SETD2: variants seen among roughly 807,000 people sequenced by gnomAD.
SETD2 encodes the protein histone-lysine N-methyltransferase SETD2.
In SETD2, 31 loss-of-function variants were observed where a neutral mutation model predicts 242.1. That is an observed-to-expected ratio of 0.13 (90% CI 0.10 to 0.17). SETD2 has a LOEUF of 0.17. SETD2 is among the 10% of genes least tolerant of loss of function. The probability of loss-of-function intolerance (pLI) is 1.00; values close to 1 mark genes in which losing one functional copy is unlikely to be tolerated. For synonymous variants in SETD2, 1,006 were observed against 1,066.5 expected (o/e 0.94, Z 1.11); for missense variants, 2,481 against 3,046.3 (o/e 0.81, Z 4.37).
At chr3:47,065,643 T>A (rs999907610) in intron 13 of SETD2, among the ~76,000 whole-genome samples, 3 of 151,582 alleles carry the variant, frequency 2.0e-5, no homozygotes, top group African/African-American at 7.3e-5. Flanking sequence ...AAAAAATAAA[T>A]AAATAAATAA....
chr3:47,162,906 T>C (rs1377955185), intron 1 of SETD2, among the ~76,000 whole-genome samples: 1 of 152,190 alleles, frequency 6.6e-6, no homozygotes, highest in African/African-American at 2.4e-5. Flanking sequence ...AAGAGAAATG[T>C]AAAGGTGTCC....
intron 18 of SETD2, among the ~76,000 whole-genome samples, chr3:47,031,901 A>AT (rs1419415838): frequency 1.3e-5 from 2 of 152,200 alleles, no homozygotes; most frequent in Admixed American, 6.5e-5. Flanking sequence ...CAATAATATA[A>AT]TTTTTTGTGA....
intron 1 of SETD2, among the ~76,000 whole-genome samples, chr3:47,131,094 A>G (rs995419343): frequency 1.3e-5 from 2 of 152,212 alleles, no homozygotes; most frequent in East Asian, 3.8e-4. Context: ...TAATAAATAT[A>G]AACAAGTTGG....
At chr3:47,088,942 C>T (rs889749940) in intron 9 of SETD2, among the ~76,000 whole-genome samples, 1 of 152,072 alleles carries the variant, frequency 6.6e-6, no homozygotes, top group South Asian at 2.1e-4. Context: ...AATATCTGTA[C>T]AAGTTGGATA....
chr3:47,119,395 T>TAA (rs200765769), intron 3 of SETD2: 1 of 152,284 alleles, frequency 6.6e-6, no homozygotes, highest in African/African-American at 2.4e-5. Context: ...AACAATAGTC[T>TAA]AAAAAAAAAT....
chr3:47,128,100 C>A (rs530993547), intron 1 of SETD2, among the ~76,000 whole-genome samples: 9 of 152,242 alleles, frequency 5.9e-5, no homozygotes, highest in East Asian at 5.8e-4. Flanking sequence ...AAGAAGCCAA[C>A]AATAAGATGG....
chr3:47,146,015 CAAAAAA>C (rs1171574770), intron 1 of SETD2, among the ~76,000 whole-genome samples: 1 of 38,690 alleles, frequency 2.6e-5, no homozygotes, highest in Non-Finnish European at 4.0e-5. Flanking sequence ...GACCCTGTCT[CAAAAAA>C]AAAAAAAAAA....
intron 16 of SETD2, among the ~76,000 whole-genome samples, chr3:47,046,140 C>T (rs1180816989): frequency 6.6e-6 from 1 of 151,050 alleles, no homozygotes; most frequent in Non-Finnish European, 1.5e-5. Context: ...GAGGTCAAGA[C>T]GAGCCTGGTC....
intron 18 of SETD2, among the ~76,000 whole-genome samples, chr3:47,029,415 C>G (rs992924652): frequency 6.7e-6 from 1 of 148,962 alleles, no homozygotes; most frequent in Non-Finnish European, 1.5e-5. Flanking sequence ...TCATGGAACT[C>G]AAACTGTAGC....
chr3:47,021,206 G>C (rs1023102379), intron 18 of SETD2, among the ~76,000 whole-genome samples: 2 of 152,120 alleles, frequency 1.3e-5, no homozygotes, highest in East Asian at 1.9e-4. Flanking sequence ...AGAATTATTT[G>C]AGTAAGTCAA....
Position 47,057,197 on chromosome 3 carries a change from G to A in SETD2, c.6587C>T (p.Pro2196Leu). 6.2e-7 allele frequency: 1 copy of A among 1,614,210 alleles called. No individual in the cohort carries two copies. The highest frequency in any genetic ancestry group is 8.5e-7 in the Non-Finnish European group (1 of 1,180,032). Residue 2196 changes from proline (P) to leucine (L), a missense_variant, in exon 15 of 21, where the codon CCA becomes CTA. This residue lies in a region of SETD2 where 235 missense variants were observed against 293.9 expected (regional missense o/e 0.80). Transcript: ENST00000409792. Reference protein sequence around the residue: ...KVLLPTPSMDPVCSPAPYDHA... With the variant: ...KVLLPTPSMDLVCSPAPYDHA... ...ATCATAAGGAGCAGGAGAACACACT[G>A]GGTCCATGCTGGGTGTGGGCAGGAG...
Position 47,122,386 on chromosome 3 carries a change from T to C in SETD2, c.2250A>G (p.Glu750=), listed in dbSNP as rs114309972. ...TATCTTGGTGTGGTGACACCAGAGG[T>C]TCTGTTTCTCTAAATGGGCTTTCTG... ...KKSESPFRET[E]PLVSPHQDKL... The change falls in exon 3 of 21, where the codon GAA becomes GAG. Residue 750 remains glutamate, a synonymous_variant. Coordinates refer to ENST00000409792, the MANE Select transcript of SETD2 (RefSeq NM_014159.7). 6.8e-6 allele frequency: 11 copies of C among 1,614,038 alleles called. No homozygotes were observed. The highest frequency in any genetic ancestry group is 1.6e-4 in the Middle Eastern group (1 of 6,062).
chr3:47,050,800 A>G (rs1423590085), intron 15 of SETD2, among the ~76,000 whole-genome samples: 3 of 130,010 alleles, frequency 2.3e-5, no homozygotes, highest in Non-Finnish European at 3.1e-5. Context: ...GCGCAATCTC[A>G]GCTCATTGCA....
At chr3:47,092,283 T>C (rs1308869993) in intron 9 of SETD2, among the ~76,000 whole-genome samples, 1 of 152,126 alleles carries the variant, frequency 6.6e-6, no homozygotes, top group African/African-American at 2.4e-5. Context: ...TGCTCAAGCA[T>C]AGCAATCAAT....
At chr3:47,126,811 A>G (rs1308814565) in intron 1 of SETD2, 148 bp from the exon 2 acceptor site, 1 of 521,062 alleles carries the variant, frequency 1.9e-6, no homozygotes, top group African/African-American at 1.9e-5. Flanking sequence ...ATTCCTTCAC[A>G]CTCAGTTACA....
chr3:47,149,704 G>T (rs2043939190), intron 1 of SETD2, among the ~76,000 whole-genome samples: 1 of 152,158 alleles, frequency 6.6e-6, no homozygotes, highest in African/African-American at 2.4e-5. Flanking sequence ...CCCTGCCATA[G>T]CACATTGTGC....
At chr3:47,089,568 T>TA (rs1373756946) in intron 9 of SETD2, among the ~76,000 whole-genome samples, 9 of 152,300 alleles carry the variant, frequency 5.9e-5, no homozygotes, top group Non-Finnish European at 1.3e-4. Flanking sequence ...ATATATTCTT[T>TA]AAGTATTTTA....
At chr3:47,099,297 C>T (rs1053591137) in intron 8 of SETD2, among the ~76,000 whole-genome samples, 16 of 151,590 alleles carry the variant, frequency 1.1e-4, no homozygotes, top group Admixed American at 9.8e-4. Flanking sequence ...GCATAAACAC[C>T]AAAAGCTACT....
rs2043170680 is a variant in SETD2, at chr3:47,123,065, T to C, written c.1571A>G (p.Asn524Ser). ...LERESKRTSENEAIKRCCSPP... is the reference protein window; with the variant it reads ...LERESKRTSESEAIKRCCSPP... ...AGAACAACATCTTTTAATTGCTTCA[T>C]TTTCTGAAGTCCTTTTAGATTCTCT... The change falls in exon 3 of 21, where the codon AAT (asparagine) becomes AGT (serine). Residue 524 changes from asparagine (N) to serine (S), a missense_variant. Asn to Ser is a conservative substitution (Grantham distance 46, BLOSUM62 1). Coordinates refer to ENST00000409792, the MANE Select transcript of SETD2 (RefSeq NM_014159.7). The C allele has an allele frequency of 6.2e-7, 1 of 1,613,858 alleles. No individual in the cohort carries two copies. The highest frequency in any genetic ancestry group is 1.3e-5 in the African/African-American group (1 of 75,008).
Sources: gnomAD v4.1 joint callset for allele counts (sites outside exome capture counted in the v4.1 genomes callset) on GRCh38, gnomAD v4.1.1 for gene constraint, gnomAD v4.1.1 regional missense constraint, MANE v1.5 for transcripts, NCBI Gene and HGNC (gene_info 2026-07-23, HGNC 2026-07-21) for gene names.